USH2A: variants seen among roughly 807,000 people sequenced by gnomAD.
The protein encoded by USH2A is Usher syndrome 2A (autosomal recessive, mild).
USH2A carries 443 observed loss-of-function variants against 538.9 expected under a neutral mutation model. The observed-to-expected ratio is 0.82, with a 90% CI of 0.76 to 0.89. The LOEUF (loss-of-function observed/expected upper bound fraction) is 0.89. USH2A is among the 40% of genes least tolerant of loss of function. The pLI is 0.00. For missense variants in USH2A, 6,633 were observed against 6,324.8 expected (o/e 1.05, Z -1.65); for synonymous variants, 2,413 against 2,273.5 (o/e 1.06, Z -1.75).
intron 35 of USH2A, 42 bp from the exon 36 acceptor site, chr1:215,970,818 A>G: frequency 2.5e-6 from 4 of 1,598,898 alleles, no homozygotes; most frequent in Non-Finnish European, 3.4e-6. Context: ...CTACTAGACA[A>G]TAGCAAAGAA....
intron 16 of USH2A, among the ~76,000 whole-genome samples, chr1:216,200,546 T>A (rs968190614): frequency 1.8e-4 from 28 of 152,314 alleles, no homozygotes; most frequent in African/African-American, 6.7e-4. Context: ...GGCCAACATC[T>A]TGAATGGAAA....
intron 14 of USH2A, among the ~76,000 whole-genome samples, chr1:216,223,455 C>A (rs1052891023): frequency 1.3e-5 from 2 of 152,188 alleles, no homozygotes; most frequent in African/African-American, 4.8e-5. Flanking sequence ...ATTAGTTCTA[C>A]TCATCAAAAG....
At chr1:216,343,537 A>C (rs891978141) in intron 4 of USH2A, among the ~76,000 whole-genome samples, 2 of 151,728 alleles carry the variant, frequency 1.3e-5, no homozygotes, top group Admixed American at 1.3e-4. Flanking sequence ...AAAAAAAAAA[A>C]AAAAGACAGT....
At chr1:215,970,545 C>A in intron 36 of USH2A, 80 bp downstream of exon 36, 1 of 1,584,328 alleles carries the variant, frequency 6.3e-7, no homozygotes. Context: ...GAGGGTGAGT[C>A]ACCGCCACTT....
chr1:215,724,248 CAA>C lies in USH2A; in HGVS notation c.12066+3780_12066+3781del, dbSNP rs1188362229. Among the ~76,000 whole-genome samples, 13 of 123,862 alleles carry C rather than the reference CAA, an allele frequency of 1.0e-4. 1 individual carries two copies. The South Asian group carries it at 3.0e-3, about 28-fold the overall frequency. The allele number at this position is 123,862 out of a possible 152,430, so 81.3% of individuals were successfully genotyped here. A position where few individuals can be genotyped will look rare whatever the true frequency, so the allele number is the denominator to read the frequency against. ...ACACACACACACACACACACACACA[CAA>C]ACACACACACTGTAGAATACTACTC... On this transcript the variant is annotated intron_variant, in intron 61 of 71. Transcript: ENST00000307340.
chr1:216,031,626 T>C (rs1669128287), intron 32 of USH2A, among the ~76,000 whole-genome samples: 1 of 152,198 alleles, frequency 6.6e-6, no homozygotes, highest in Non-Finnish European at 1.5e-5. Context: ...GAAGCAATGA[T>C]ATGTTCCAAC....
intron 30 of USH2A, among the ~76,000 whole-genome samples, chr1:216,058,871 A>G (rs1226695693): frequency 2.0e-5 from 3 of 152,208 alleles, no homozygotes. Flanking sequence ...AGATAAGTAT[A>G]TTAATCACTT....
chr1:215,657,112 C>T (rs1657281901), intron 64 of USH2A, among the ~76,000 whole-genome samples: 1 of 152,224 alleles, frequency 6.6e-6, no homozygotes, highest in Non-Finnish European at 1.5e-5. Context: ...ACTTCTTTCA[C>T]TGCTGCTGAT....
At chr1:216,345,864 C>T (rs1313027375) in intron 4 of USH2A, among the ~76,000 whole-genome samples, 1 of 152,028 alleles carries the variant, frequency 6.6e-6, no homozygotes, top group African/African-American at 2.4e-5. Context: ...GGGTTCATGT[C>T]ATAGTTAGCT....
In USH2A at chr1:215,789,504, G is replaced by A. The variant is rs116045805; in HGVS notation, c.10182+555C>T. ...AGTTTAATACCCACATACATGACAT[G>A]GCTGTGTACAAACCATCACCATACA... On this transcript the variant is annotated intron_variant, in intron 51 of 71. Coordinates refer to ENST00000307340, the MANE Select transcript of USH2A (RefSeq NM_206933.4). 1.7e-3 allele frequency among the ~76,000 whole-genome samples: 254 copies of A among 152,246 alleles called. 3 individuals carry two copies. The highest frequency in any genetic ancestry group is 5.9e-3 in the African/African-American group (245 of 41,540).
chr1:216,392,711 A>G (rs2102748653), intron 3 of USH2A, among the ~76,000 whole-genome samples: 1 of 152,232 alleles, frequency 6.6e-6, no homozygotes, highest in East Asian at 1.9e-4. Context: ...AAGATGTACT[A>G]TGGTTAATAA....
chr1:216,093,501 AG>A (rs2032355272), intron 22 of USH2A, among the ~76,000 whole-genome samples: 1 of 152,170 alleles, frequency 6.6e-6, no homozygotes, highest in African/African-American at 2.4e-5. Flanking sequence ...ATCACCGTAA[AG>A]GATATGAAAA....
In USH2A at chr1:215,805,725, A is replaced by C. The variant is rs572481395; in HGVS notation, c.9740-6600T>G. ...TGAAGAAGGTATCATAACTTCCCAT[A>C]AAACAGAAGATAAGACAGTAGATTG... On this transcript the variant is annotated intron_variant, in intron 49 of 71. Transcript: ENST00000307340. 5.9e-5 allele frequency among the ~76,000 whole-genome samples: 9 copies of C among 152,196 alleles called. No individual in the cohort carries two copies. The South Asian group carries it at 1.9e-3, about 32-fold the overall frequency.
chr1:215,888,485 A>G lies in USH2A; in HGVS notation c.8164T>C (p.Ser2722Pro). The change falls in exon 41 of 72, where the codon TCA (serine) becomes CCA (proline). Residue 2722 changes from serine (S) to proline (P), a missense_variant. Physicochemically the swap from Ser to Pro is moderately conservative, Grantham distance 74. Coordinates refer to ENST00000307340, the MANE Select transcript of USH2A (RefSeq NM_206933.4). ...SAWVEVTTRP[S>P]RPAGVQPPVV... ...GGTGGCTGCACCCCAGCAGGTCGTG[A>G]GGGTCTTGTGGTAACTTCTACCCAA... 1 of 1,614,088 alleles carries G rather than the reference A, an allele frequency of 6.2e-7. No homozygotes were observed. Among genetic ancestry groups the G allele is most frequent in the Non-Finnish European group, 8.5e-7 (1 of 1,180,028 alleles).
intron 21 of USH2A, among the ~76,000 whole-genome samples, chr1:216,123,886 T>G (rs1366696248): frequency 2.0e-5 from 3 of 152,080 alleles, no homozygotes; most frequent in Non-Finnish European, 1.5e-5. Flanking sequence ...TAGAACCTAG[T>G]CATACATTTT....
chr1:215,754,456 A>T (rs936808183), intron 58 of USH2A, among the ~76,000 whole-genome samples: 16 of 151,588 alleles, frequency 1.1e-4, no homozygotes, highest in Admixed American at 2.6e-4. Flanking sequence ...CCACATAGAC[A>T]TTTTTTTTCC....
chr1:215,802,648 C>T (rs1021608010), intron 49 of USH2A, among the ~76,000 whole-genome samples: 4 of 152,076 alleles, frequency 2.6e-5, no homozygotes, highest in South Asian at 2.1e-4. Context: ...CACACTTATG[C>T]GTTGTTGGGA....
At chr1:215,743,774 C>A (rs1401880518) in intron 58 of USH2A, among the ~76,000 whole-genome samples, 1 of 148,830 alleles carries the variant, frequency 6.7e-6, no homozygotes, top group Non-Finnish European at 1.5e-5. Flanking sequence ...GAGCTGAGAT[C>A]ACGCCACTGC....
intron 64 of USH2A, among the ~76,000 whole-genome samples, chr1:215,665,483 G>A (rs550176409): frequency 3.5e-4 from 53 of 152,222 alleles, no homozygotes; most frequent in African/African-American, 1.2e-3. Context: ...GGGTGGTGGC[G>A]GGCCCTATCA....
Sources: allele counts gnomAD v4.1 joint callset (sites outside exome capture counted in the v4.1 genomes callset), GRCh38; gene constraint gnomAD v4.1.1; transcripts MANE v1.5; gene names NCBI Gene and HGNC (gene_info 2026-07-23, HGNC 2026-07-21).